Variants in TMEM178B observed in about 807,000 individuals in gnomAD.
The protein encoded by TMEM178B is transmembrane protein 178B.
In TMEM178B, 5 loss-of-function variants were observed where a neutral mutation model predicts 31.0. That is an observed-to-expected ratio of 0.16 (90% CI 0.08 to 0.34). The LOEUF (loss-of-function observed/expected upper bound fraction) is 0.34, where lower values mean the gene tolerates loss of function less well. TMEM178B is among the 10% of genes least tolerant of loss of function. The pLI is 1.00. For missense variants in TMEM178B, 275 were observed against 400.3 expected, an observed-to-expected ratio of 0.69 and a Z score of 2.67; for synonymous variants, 164 against 164.0, an observed-to-expected ratio of 1.00 and a Z score of 0.00.
chr7:141,196,322 G>A (rs1162881248), intron 1 of TMEM178B, among the ~76,000 whole-genome samples: 1 of 151,664 alleles, frequency 6.6e-6, no homozygotes, highest in Admixed American at 6.6e-5. Flanking sequence ...TTGTATATAT[G>A]TCCTCCTCAG....
At chr7:141,396,730 A>G (rs576815199) in intron 2 of TMEM178B, among the ~76,000 whole-genome samples, 26 of 152,220 alleles carry the variant, frequency 1.7e-4, no homozygotes, top group Non-Finnish European at 3.4e-4. Flanking sequence ...ACAGTGACCC[A>G]TCTTAGCAGT....
At chr7:141,459,412 G>A (rs539564995) in intron 3 of TMEM178B, among the ~76,000 whole-genome samples, 40 of 152,290 alleles carry the variant, frequency 2.6e-4, no homozygotes, top group African/African-American at 9.1e-4. Flanking sequence ...AGTGCTGTGT[G>A]GGATACCAAA....
intron 2 of TMEM178B, among the ~76,000 whole-genome samples, chr7:141,224,371 T>C (rs1797305677): frequency 6.6e-6 from 1 of 152,236 alleles, no homozygotes; most frequent in Non-Finnish European, 1.5e-5. Flanking sequence ...GTATTTCTTT[T>C]ACGGATTCGA....
chr7:141,142,985 A>AT (rs1563098959), intron 1 of TMEM178B, among the ~76,000 whole-genome samples: 1 of 151,986 alleles, frequency 6.6e-6, no homozygotes, highest in Non-Finnish European at 1.5e-5. Flanking sequence ...TATGTGGAGC[A>AT]TTTTTTCATG....
the TMEM178B span, among the ~76,000 whole-genome samples, chr7:141,502,404 CA>C: frequency 6.6e-6 from 1 of 152,038 alleles, no homozygotes; most frequent in Non-Finnish European, 1.5e-5. Context: ...ATCACCAGTC[CA>C]ACGGGCTAAA....
At chr7:141,099,142 T>C (rs915322711) in intron 1 of TMEM178B, among the ~76,000 whole-genome samples, 4 of 152,228 alleles carry the variant, frequency 2.6e-5, no homozygotes, top group Non-Finnish European at 5.9e-5. Context: ...CAGAATATTT[T>C]CCTCCTTGAT....
chr7:141,449,872 A>G (rs1297398272), intron 3 of TMEM178B, among the ~76,000 whole-genome samples: 1 of 152,192 alleles, frequency 6.6e-6, no homozygotes, highest in East Asian at 1.9e-4. Context: ...AGGGGCCTTT[A>G]AGGCCTAGGG....
chr7:141,139,844 C>A (rs112776564), intron 1 of TMEM178B, among the ~76,000 whole-genome samples: 8,899 of 151,608 alleles, frequency 0.059, 893 homozygotes, highest in African/African-American at 0.21. Context: ...TGGGTCACTG[C>A]AACCTTCACC....
At chr7:141,218,524 TCA>T (rs1797198997) in intron 2 of TMEM178B, among the ~76,000 whole-genome samples, 1 of 152,182 alleles carries the variant, frequency 6.6e-6, no homozygotes, top group African/African-American at 2.4e-5. Context: ...GTGGGTTGGC[TCA>T]GTCTTAAGGG....
rs184515624 is a variant in TMEM178B at position 141,165,385 on chromosome 7, G to A, written c.383-47206G>A. ...TTCTCTGATGTTATCTCACGGAATA[G>A]TCTGGGTTATTAGGTTTTGGGGAGA... On this transcript the variant is annotated intron_variant, in intron 1 of 3. Coordinates refer to ENST00000565468, the MANE Select transcript of TMEM178B (RefSeq NM_001195278.2). 2.2e-3 allele frequency among the ~76,000 whole-genome samples: 334 copies of A among 152,306 alleles called. 1 individual carries two copies. The highest frequency in any genetic ancestry group is 7.4e-3 in the African/African-American group (307 of 41,550).
rs1563157492 is a variant in TMEM178B, at chr7:141,344,610, T to TCCTTCCTTCCTTCCTTCCTTCCTTCCTC, written c.497-92979_497-92978insTCCTTCCTCCCTTCCTTCCTTCCTTCCT. On this transcript the variant is annotated intron_variant, in intron 2 of 3. Coordinates refer to ENST00000565468, the MANE Select transcript of TMEM178B (RefSeq NM_001195278.2). The surrounding 1 kb of genome is among the most constrained non-coding windows in gnomAD (Gnocchi z 4.1). The stretch of plus-strand genomic sequence containing the variant: ...TTCCTTCCTTCCTTCCTTCCTTCCT[T>TCCTTCCTTCCTTCCTTCCTTCCTTCCTC]CCTTCCTTCCTTCCTTCCTCCCTTC... 1.2e-4 allele frequency among the ~76,000 whole-genome samples: 17 copies of TCCTTCCTTCCTTCCTTCCTTCCTTCCTC among 138,458 alleles called. No individual in the cohort carries two copies. Among genetic ancestry groups the TCCTTCCTTCCTTCCTTCCTTCCTTCCTC allele is most frequent in the African/African-American group, 4.6e-4 (17 of 37,140 alleles). The allele number at this position is 138,458 out of a possible 152,430, so 90.8% of individuals were successfully genotyped here.
At chr7:141,345,503 G>A (rs540236813) in intron 2 of TMEM178B, among the ~76,000 whole-genome samples, 55 of 152,282 alleles carry the variant, frequency 3.6e-4, no homozygotes, top group African/African-American at 6.3e-4. Flanking sequence ...AGATGGCACC[G>A]TTGTAGTGAA....
intron 1 of TMEM178B, among the ~76,000 whole-genome samples, chr7:141,180,463 CAAAAAAA>C (rs57969132): frequency 2.4e-5 from 2 of 83,304 alleles, no homozygotes; most frequent in Admixed American, 1.4e-4. Flanking sequence ...GAGCCCATCT[CAAAAAAA>C]AAAAAAAAAA....
At chr7:141,320,432 A>G (rs1226084743) in intron 2 of TMEM178B, among the ~76,000 whole-genome samples, 1 of 152,078 alleles carries the variant, frequency 6.6e-6, no homozygotes, top group Non-Finnish European at 1.5e-5. Flanking sequence ...CCTGTGACTG[A>G]GGTGACCTCT....
chr7:141,089,906 G>GC (rs1277001478), intron 1 of TMEM178B, among the ~76,000 whole-genome samples: 1 of 152,000 alleles, frequency 6.6e-6, no homozygotes, highest in Non-Finnish European at 1.5e-5. Context: ...TATACCTAAT[G>GC]TAAATGACGA....
At chr7:141,390,826 A>C (rs1800522149) in intron 2 of TMEM178B, among the ~76,000 whole-genome samples, 1 of 152,224 alleles carries the variant, frequency 6.6e-6, no homozygotes, top group South Asian at 2.1e-4. Context: ...GATGAACTAT[A>C]TACACAGTGT....
At chr7:141,161,191 A>C (rs1796166006) in intron 1 of TMEM178B, among the ~76,000 whole-genome samples, 1 of 152,070 alleles carries the variant, frequency 6.6e-6, no homozygotes, top group Non-Finnish European at 1.5e-5. Context: ...AAGGAAGGGG[A>C]AGAGAGATGT....
intron 2 of TMEM178B, among the ~76,000 whole-genome samples, chr7:141,300,213 T>C (rs217030): frequency 0.1 from 15,574 of 152,260 alleles, 1,204 homozygotes; most frequent in African/African-American, 0.21. Flanking sequence ...GTACTTTGTC[T>C]TGTTGGTCAA....
intron 2 of TMEM178B, among the ~76,000 whole-genome samples, chr7:141,402,375 A>G (rs1188642473): frequency 6.6e-6 from 1 of 152,138 alleles, no homozygotes; most frequent in Non-Finnish European, 1.5e-5. Context: ...CAGAGATGGG[A>G]GTCCGGTCTC....
Sources: gnomAD v4.1 joint callset for allele counts (sites outside exome capture counted in the v4.1 genomes callset) on GRCh38, gnomAD v4.1.1 for gene constraint, Gnocchi (gnomAD v3.1) non-coding constraint, MANE v1.5 for transcripts, NCBI Gene and HGNC (gene_info 2026-07-23, HGNC 2026-07-21) for gene names.